Variants in TEX2 observed in about 807,000 individuals in gnomAD.
TEX2 encodes testis expressed 2.
A neutral mutation model predicts 106.9 loss-of-function variants in TEX2; 53 were observed. That is an observed-to-expected ratio of 0.50 (90% CI 0.40 to 0.62). TEX2 has a LOEUF of 0.62. Ranked by LOEUF, TEX2 falls within the 20% of genes least tolerant of loss-of-function variation. TEX2 has a pLI of 0.00. For missense variants in TEX2, 1,207 were observed against 1,379.0 expected, an observed-to-expected ratio of 0.88 and a Z score of 1.98; for synonymous variants, 523 against 534.8, an observed-to-expected ratio of 0.98 and a Z score of 0.30.
intron 2 of TEX2, among the ~76,000 whole-genome samples, chr17:64,203,847 A>G (rs2032747053): frequency 6.6e-6 from 1 of 152,242 alleles, no homozygotes; most frequent in African/African-American, 2.4e-5. Context: ...CAGCAGTGAC[A>G]CTAGAAGCAC....
At chr17:64,150,733 C>A in intron 11 of TEX2, 108 bp downstream of exon 11, 5 of 1,207,054 alleles carry the variant, frequency 4.1e-6, no homozygotes, top group Non-Finnish European at 5.7e-6. Flanking sequence ...ATGAAGGTCA[C>A]CATCAGATTT....
At chr17:64,202,290 T>A (rs2032693580) in intron 2 of TEX2, among the ~76,000 whole-genome samples, 4 of 151,656 alleles carry the variant, frequency 2.6e-5, no homozygotes, top group Admixed American at 2.6e-4. Flanking sequence ...ATCACAGGAG[T>A]TGCTACTTGA....
At chr17:64,210,133 A>G (rs1555631280) in intron 2 of TEX2, among the ~76,000 whole-genome samples, 1 of 152,224 alleles carries the variant, frequency 6.6e-6, no homozygotes, top group Non-Finnish European at 1.5e-5. Context: ...TAAAGTTAGC[A>G]CGAACTTACT....
chr17:64,234,175 A>T (rs1036565026), intron 1 of TEX2, among the ~76,000 whole-genome samples: 8 of 152,378 alleles, frequency 5.3e-5, no homozygotes, highest in Middle Eastern at 3.4e-3. Flanking sequence ...CACAAGGAGC[A>T]TTTCATAACC....
chr17:64,187,594 T>C (rs1435045419), intron 5 of TEX2, among the ~76,000 whole-genome samples: 3 of 152,126 alleles, frequency 2.0e-5, no homozygotes, highest in Non-Finnish European at 4.4e-5. Context: ...GTCAACATCA[T>C]ACCCTGCTCA....
rs1567904791 is a variant in TEX2 at position 64,153,371 on chromosome 17, G to A, written c.2931-217C>T. Among the ~76,000 whole-genome samples the A allele has an allele frequency of 7.3e-6, 1 of 136,460 alleles. No individual in the cohort carries two copies. Among genetic ancestry groups the A allele is most frequent in the Non-Finnish European group, 1.6e-5 (1 of 61,546 alleles). The allele number at this position is 136,460 out of a possible 152,430, so 89.5% of individuals were successfully genotyped here. On this transcript the variant is annotated intron_variant, in intron 9 of 11. Coordinates refer to ENST00000584379, the MANE Select transcript of TEX2 (RefSeq NM_001288732.2). The surrounding 1 kb of genome is among the most constrained non-coding windows in gnomAD (Gnocchi z 4.1). Reference sequence around the variant, plus strand: ...TGCCAATAGCACTCCCCCTAGTTATGACAATAAAAAATGTTGCCAGACATC... The same window carrying A: ...TGCCAATAGCACTCCCCCTAGTTATAACAATAAAAAATGTTGCCAGACATC...
chr17:64,180,532 G>A (rs1170455635), intron 5 of TEX2, among the ~76,000 whole-genome samples: 1 of 152,200 alleles, frequency 6.6e-6, no homozygotes, highest in Non-Finnish European at 1.5e-5. Flanking sequence ...GCAAAACCTG[G>A]ATTCAACAGC....
At chr17:64,232,150 T>C (rs569150475) in intron 1 of TEX2, among the ~76,000 whole-genome samples, 8 of 152,238 alleles carry the variant, frequency 5.3e-5, no homozygotes, top group Non-Finnish European at 1.0e-4. Context: ...TTTAGGATGA[T>C]GTACATCACC....
intron 6 of TEX2, among the ~76,000 whole-genome samples, chr17:64,174,382 T>C (rs2031538438): frequency 6.6e-6 from 1 of 152,108 alleles, no homozygotes; most frequent in Non-Finnish European, 1.5e-5. Flanking sequence ...TACCTACTAG[T>C]AAGCAGAATG....
intron 1 of TEX2, among the ~76,000 whole-genome samples, chr17:64,244,500 C>T (rs1555636092): frequency 1.3e-5 from 2 of 151,556 alleles, no homozygotes. Context: ...CTCCAGCTTC[C>T]CAAGAAAGAT....
chr17:64,193,455 C>T, intron 4 of TEX2, 104 bp downstream of exon 4: 5 of 937,930 alleles, frequency 5.3e-6, no homozygotes, highest in Non-Finnish European at 7.6e-6. Flanking sequence ...ACCATCAGTT[C>T]AGGGTGGGCT....
At chr17:64,222,044 G>T (rs1372070735) in intron 1 of TEX2, among the ~76,000 whole-genome samples, 1 of 152,146 alleles carries the variant, frequency 6.6e-6, no homozygotes, top group African/African-American at 2.4e-5. Flanking sequence ...TTGTTTAATG[G>T]ATACAGAATT....
intron 7 of TEX2, among the ~76,000 whole-genome samples, chr17:64,168,607 T>TTG (rs1276793960): frequency 2.1e-4 from 32 of 152,318 alleles, no homozygotes; most frequent in Admixed American, 2.0e-3. Context: ...AGGGGCCTGG[T>TTG]TGTGGCCCTG....
At chr17:64,241,439 C>T (rs1052189907) in intron 1 of TEX2, among the ~76,000 whole-genome samples, 8 of 152,192 alleles carry the variant, frequency 5.3e-5, no homozygotes, top group African/African-American at 1.9e-4. Context: ...AGAGGTCCTT[C>T]AAACAAATCT....
chr17:64,207,894 C>T (rs781878482), intron 2 of TEX2, among the ~76,000 whole-genome samples: 3 of 152,192 alleles, frequency 2.0e-5, no homozygotes, highest in Non-Finnish European at 2.9e-5. Context: ...CGCCACCACG[C>T]CCAGCTAATT....
intron 1 of TEX2, among the ~76,000 whole-genome samples, chr17:64,231,537 C>T (rs1012778286): frequency 2.6e-5 from 4 of 152,174 alleles, no homozygotes; most frequent in East Asian, 1.9e-4. Context: ...GGTTCCTGTT[C>T]GCCAGCAACA....
intron 2 of TEX2, among the ~76,000 whole-genome samples, chr17:64,201,827 A>G (rs2032672011): frequency 6.6e-6 from 1 of 152,198 alleles, no homozygotes; most frequent in East Asian, 1.9e-4. Flanking sequence ...AGGGATCATC[A>G]TGTCTGCCAA....
At chr17:64,246,288 C>G (rs1044732945) in intron 1 of TEX2, among the ~76,000 whole-genome samples, 1 of 152,186 alleles carries the variant, frequency 6.6e-6, no homozygotes, top group African/African-American at 2.4e-5. Context: ...CTCTGTTGCC[C>G]AGGCTGGAGT....
intron 11 of TEX2, chr17:64,150,049 T>C (rs955215708): frequency 6.6e-5 from 10 of 152,216 alleles, no homozygotes; most frequent in African/African-American, 2.4e-4. Flanking sequence ...TTATCAGTTA[T>C]GTTTAATCTC....
Sources: allele counts gnomAD v4.1 joint callset (sites outside exome capture counted in the v4.1 genomes callset), GRCh38; gene constraint gnomAD v4.1.1; non-coding constraint Gnocchi (gnomAD v3.1); transcripts MANE v1.5; gene names NCBI Gene and HGNC (gene_info 2026-07-23, HGNC 2026-07-21).